TECTA: variants seen among roughly 807,000 people sequenced by gnomAD.
TECTA encodes the protein alpha-tectorin.
In TECTA, 128 loss-of-function variants were observed where a neutral mutation model predicts 216.8. The ratio of observed to expected loss-of-function variants is 0.59; its 90% CI spans 0.51 to 0.68. The LOEUF is 0.68. Among genes scored for constraint, TECTA ranks in the 30% least tolerant of loss-of-function variants. The pLI, the probability that TECTA is intolerant of heterozygous loss-of-function variation, is 0.00. For synonymous variants in TECTA, 1,089 were observed against 1,117.1 expected (o/e 0.97, Z 0.50); for missense variants, 2,551 against 2,786.2 (o/e 0.92, Z 1.90).
At chr11:121,143,995 C>T (rs1012098749) in intron 11 of TECTA, among the ~76,000 whole-genome samples, 3 of 152,178 alleles carry the variant, frequency 2.0e-5, no homozygotes, top group African/African-American at 7.2e-5. Context: ...GGGCCAAGGC[C>T]AGCTGTGAGT....
chr11:121,102,445 G>A (rs1032173610), intron 1 of TECTA, among the ~76,000 whole-genome samples: 1 of 152,124 alleles, frequency 6.6e-6, no homozygotes, highest in African/African-American at 2.4e-5. Flanking sequence ...CTTCCAGACT[G>A]GCTTCTTCTG....
chr11:121,115,259 A>G (rs938828139), intron 6 of TECTA, among the ~76,000 whole-genome samples: 4 of 151,762 alleles, frequency 2.6e-5, no homozygotes, highest in Non-Finnish European at 1.5e-5. Context: ...TCACCCATCC[A>G]CCAACCCATC....
chr11:121,119,535 CATA>C (rs1444080437), intron 7 of TECTA, among the ~76,000 whole-genome samples: 5 of 152,276 alleles, frequency 3.3e-5, no homozygotes, highest in African/African-American at 1.2e-4. Context: ...CCCCAATTTT[CATA>C]ATGTTAATCA....
chr11:121,121,743 GCTT>G (rs1423817622), intron 7 of TECTA, among the ~76,000 whole-genome samples: 1 of 152,174 alleles, frequency 6.6e-6, no homozygotes, highest in East Asian at 1.9e-4. Flanking sequence ...CTACCCCATG[GCTT>G]CTGCTTTGGG....
At chr11:121,141,984 G>T (rs528958) in intron 11 of TECTA, among the ~76,000 whole-genome samples, 48,418 of 152,030 alleles carry the variant, frequency 0.32, 11,015 homozygotes, top group African/African-American at 0.65. Flanking sequence ...CTTAGGGAGA[G>T]CTTCCTGGAA....
At chr11:121,164,381 T>A (rs572955828) in intron 16 of TECTA, among the ~76,000 whole-genome samples, 2 of 152,204 alleles carry the variant, frequency 1.3e-5, no homozygotes, top group Admixed American at 1.3e-4. Context: ...AGTTGTTTCT[T>A]TAGCACTGTC....
intron 20 of TECTA, among the ~76,000 whole-genome samples, chr11:121,186,885 A>G (rs974773913): frequency 6.6e-6 from 1 of 152,198 alleles, no homozygotes; most frequent in Non-Finnish European, 1.5e-5. Flanking sequence ...TGGCAACACC[A>G]TTTGTTCACT....
intron 10 of TECTA, among the ~76,000 whole-genome samples, chr11:121,133,721 G>A (rs1346235808): frequency 6.6e-6 from 1 of 152,198 alleles, no homozygotes; most frequent in Non-Finnish European, 1.5e-5. Flanking sequence ...CAGGTGCCAT[G>A]TGGTTTTTCT....
intron 9 of TECTA, 62 bp from the exon 10 acceptor site, chr11:121,129,576 C>A: frequency 6.4e-7 from 1 of 1,553,942 alleles, no homozygotes; most frequent in African/African-American, 1.4e-5. Flanking sequence ...TATCCCACAG[C>A]CTAGGAAATG....
chr11:121,183,158 G>A (rs965418316), intron 20 of TECTA, among the ~76,000 whole-genome samples: 1 of 152,142 alleles, frequency 6.6e-6, no homozygotes, highest in East Asian at 1.9e-4. Context: ...AGCCAGTGTT[G>A]TGAACCTGCA....
intron 10 of TECTA, 94 bp from the exon 11 acceptor site, chr11:121,137,327 C>A: frequency 6.5e-7 from 1 of 1,535,270 alleles, no homozygotes; most frequent in Non-Finnish European, 9.0e-7. Context: ...CACTCACAAA[C>A]ACACATGCAC....
chr11:121,174,467 C>T lies in TECTA; in HGVS notation c.5999+5542C>T, dbSNP rs187417856. 3.3e-3 allele frequency among the ~76,000 whole-genome samples: 498 copies of T among 152,236 alleles called. 3 individuals are homozygous for T. Among genetic ancestry groups the T allele is most frequent in the African/African-American group, 0.011 (465 of 41,548 alleles). On this transcript the variant is annotated intron_variant, in intron 20 of 23. Coordinates refer to ENST00000392793, the MANE Select transcript of TECTA (RefSeq NM_005422.4). The stretch of plus-strand genomic sequence containing the variant: ...AGATAATCATGTGATTTTTGTCTTT[C>T]GTTCTGTTTACATGCTGGATTACAT...
At chr11:121,182,986 G>C (rs1406903983) in intron 20 of TECTA, among the ~76,000 whole-genome samples, 1 of 152,202 alleles carries the variant, frequency 6.6e-6, no homozygotes, top group Non-Finnish European at 1.5e-5. Context: ...GTTGCTGACA[G>C]TGGCAGCAGC....
chr11:121,163,679 TA>T (rs1212718647), intron 16 of TECTA, among the ~76,000 whole-genome samples: 1 of 152,184 alleles, frequency 6.6e-6, no homozygotes, highest in Admixed American at 6.5e-5. Context: ...GTCAGGAATT[TA>T]AAAAAATACA....
intron 2 of TECTA, among the ~76,000 whole-genome samples, chr11:121,104,155 C>G (rs1169001130): frequency 6.6e-6 from 1 of 152,146 alleles, no homozygotes; most frequent in Admixed American, 6.5e-5. Flanking sequence ...AAAAAGTTCC[C>G]CATGAAGGAT....
At chr11:121,189,228 A>T (rs1203626489) in intron 22 of TECTA, 61 bp downstream of exon 22, 31 of 1,565,000 alleles carry the variant, frequency 2.0e-5, no homozygotes, top group Non-Finnish European at 2.6e-5. Flanking sequence ...CAAGGCTCAG[A>T]TGTGTTTCAC....
At chr11:121,172,787 T>A (rs1354258224) in intron 20 of TECTA, among the ~76,000 whole-genome samples, 2 of 152,174 alleles carry the variant, frequency 1.3e-5, no homozygotes, top group Non-Finnish European at 2.9e-5. Context: ...AGGGTTGAAC[T>A]AGTTTACAGT....
At chr11:121,131,747 T>C (rs1294858089) in intron 10 of TECTA, among the ~76,000 whole-genome samples, 1 of 152,248 alleles carries the variant, frequency 6.6e-6, no homozygotes, top group Non-Finnish European at 1.5e-5. Flanking sequence ...TTCATTGTCT[T>C]AGCGTTCTTG....
Position 121,125,843 on chromosome 11 carries a change from T to C in TECTA, c.1745T>C (p.Ile582Thr), listed in dbSNP as rs200458050. The change falls in exon 8 of 24, where the codon ATT (isoleucine) becomes ACT (threonine). Residue 582 changes from isoleucine (I) to threonine (T), a missense_variant. Ile to Thr is a moderately conservative substitution (Grantham distance 89). Transcript: ENST00000392793. ...GTGTGCCAAGCCCTTGGCATTCCAA[T>C]TGGAGACTGGCGAACCCAGACTGGG... ...ALVCQALGIP[I>T]GDWRTQTGCV... 14 of 1,611,868 alleles carry C rather than the reference T, an allele frequency of 8.7e-6. No individual in the cohort carries two copies. In the Admixed American group the frequency reaches 1.2e-4, roughly 13 times the overall value.
Sources: allele counts gnomAD v4.1 joint callset (sites outside exome capture counted in the v4.1 genomes callset), GRCh38; gene constraint gnomAD v4.1.1; transcripts MANE v1.5; gene names NCBI Gene and HGNC (gene_info 2026-07-23, HGNC 2026-07-21).